Variants in ZFYVE16 observed in about 807,000 individuals in gnomAD.
The protein encoded by ZFYVE16 is zinc finger FYVE-type containing 16.
Under a neutral mutation model 138.1 loss-of-function variants are expected in ZFYVE16, and 89 were observed. The ratio of observed to expected loss-of-function variants is 0.64; its 90% confidence interval spans 0.54 to 0.77. The LOEUF is 0.77. ZFYVE16 is among the 30% of genes least tolerant of loss of function. The pLI, the probability that ZFYVE16 is intolerant of heterozygous loss-of-function variation, is 0.00. For synonymous variants in ZFYVE16, 596 were observed against 618.3 expected (o/e 0.96, Z 0.53); for missense variants, 1,793 against 1,786.7 (o/e 1.00, Z -0.06).
chr5:80,453,198 T>C (rs576132098), intron 11 of ZFYVE16, among the ~76,000 whole-genome samples: 1 of 152,270 alleles, frequency 6.6e-6, no homozygotes, highest in East Asian at 1.9e-4. Context: ...TTCTTTACCA[T>C]TTAGGATTTA....
Position 80,436,972 on chromosome 5 carries a change from A to C in ZFYVE16, c.287A>C (p.Asn96Thr). The change falls in exon 4 of 19, where the codon AAT becomes ACT. Residue 96 changes from asparagine to threonine, a missense_variant. Around this residue, in one of 2 missense-constraint regions of ZFYVE16, gnomAD observed 1,295 missense variants for 1,204.3 expected, o/e 1.08. Transcript: ENST00000505560. ...KGLTSIQNEK[N>T]VTGLDLLSSV... Reference sequence around the variant, plus strand: ...CTTACTTCTATACAAAATGAAAAAAATGTAACAGGACTTGATCTTCTTTCT... The same window carrying C: ...CTTACTTCTATACAAAATGAAAAAACTGTAACAGGACTTGATCTTCTTTCT... The C allele has an allele frequency of 6.2e-7, 1 of 1,614,148 alleles. No individual in the cohort carries two copies. Among genetic ancestry groups the C allele is most frequent in the Middle Eastern group, 1.6e-4 (1 of 6,062 alleles).
chr5:80,471,716 C>T (rs560103574), intron 15 of ZFYVE16, among the ~76,000 whole-genome samples: 19 of 152,218 alleles, frequency 1.2e-4, no homozygotes, highest in South Asian at 2.1e-4. Context: ...GGCCAGATCC[C>T]GCAATAGTTA....
chr5:80,460,791 AC>A (rs1472040420), intron 15 of ZFYVE16, among the ~76,000 whole-genome samples: 6 of 152,158 alleles, frequency 3.9e-5, no homozygotes, highest in Non-Finnish European at 8.8e-5. Context: ...CCGATTCCAT[AC>A]TATTTTATTA....
rs913336439 is a variant in ZFYVE16 at position 80,445,260 on chromosome 5, T to C, written c.2582-3T>C. ...AATGTTTTACTTTTTCAATTGATTC[T>C]AGGACTATGTTCCAAAGAACAGAAG... On this transcript the variant is annotated splice_polypyrimidine_tract_variant and splice_region_variant and intron_variant, in intron 6 of 18. Transcript: ENST00000505560. The C allele has an allele frequency of 6.2e-7, 1 of 1,612,014 alleles. No individual in the cohort carries two copies.
Position 80,439,987 on chromosome 5 carries a change from A to G in ZFYVE16, c.2374A>G (p.Lys792Glu). The change falls in exon 5 of 19, where the codon AAG becomes GAG. Residue 792 changes from lysine to glutamate, a missense_variant. Physicochemically the swap from Lys to Glu is moderately conservative, Grantham distance 56. Transcript: ENST00000505560. ...GAAGTGTAAACTGCAATATCTAGAA[A>G]AGGAAGCAAGAGTATGTGTAGTCTG... ...NRKCKLQYLE[K>E]EARVCVVCYE... 2 of 1,611,746 alleles carry G rather than the reference A, an allele frequency of 1.2e-6. No individual in the cohort carries two copies. The highest frequency in any genetic ancestry group is 2.2e-5 in the South Asian group (2 of 90,762).
chr5:80,458,434 A>G (rs1752759101), intron 14 of ZFYVE16, among the ~76,000 whole-genome samples: 1 of 152,112 alleles, frequency 6.6e-6, no homozygotes, highest in South Asian at 2.1e-4. Context: ...ACACACACAC[A>G]TATCTACCTC....
intron 1 of ZFYVE16, among the ~76,000 whole-genome samples, chr5:80,420,143 G>A (rs1374209734): frequency 6.6e-6 from 1 of 150,884 alleles, no homozygotes; most frequent in South Asian, 2.1e-4. Context: ...GTTTAGCTCT[G>A]GCACCCAGGC....
At chr5:80,418,299 C>T (rs1295298923) in intron 1 of ZFYVE16, among the ~76,000 whole-genome samples, 2 of 134,662 alleles carry the variant, frequency 1.5e-5, no homozygotes, top group Non-Finnish European at 3.2e-5. Flanking sequence ...CTCCCCTCCC[C>T]TGCCCTCCCC....
At chr5:80,474,853 A>T (rs1483350966) in intron 18 of ZFYVE16, 23 bp downstream of exon 18, 2 of 1,578,610 alleles carry the variant, frequency 1.3e-6, no homozygotes, top group Admixed American at 3.8e-5. Flanking sequence ...TTTGTGATGT[A>T]TTTTTGAAAT....
intron 5 of ZFYVE16, 141 bp from the exon 6 acceptor site, chr5:80,442,982 C>A (rs893116597): frequency 7.6e-6 from 6 of 786,802 alleles, no homozygotes; most frequent in Non-Finnish European, 9.5e-6. Flanking sequence ...AGTATCTTTG[C>A]CAAGTGCTAC....
Position 80,480,246 on chromosome 5 carries a change from T to C in ZFYVE16, c.*2869T>C, listed in dbSNP as rs113495416. Among the ~76,000 whole-genome samples, 304 of 152,254 alleles carry C rather than the reference T, an allele frequency of 2.0e-3. No homozygotes were observed. The highest frequency in any genetic ancestry group is 7.1e-3 in the African/African-American group (294 of 41,540). ...TGTACTTGCAGGAAATGGGAAACTATACGATAAAAAGTTGTGGAGCTAATC... is the reference window on the plus strand; with the variant it reads ...TGTACTTGCAGGAAATGGGAAACTACACGATAAAAAGTTGTGGAGCTAATC... On this transcript the variant is annotated 3_prime_UTR_variant, in exon 19 of 19. Coordinates refer to ENST00000505560, the MANE Select transcript of ZFYVE16 (RefSeq NM_001284236.3).
chr5:80,474,634 G>T, intron 17 of ZFYVE16, 29 bp from the exon 18 acceptor site: 1 of 1,573,810 alleles, frequency 6.4e-7, no homozygotes, highest in South Asian at 1.2e-5. Flanking sequence ...TTTTAATCAT[G>T]ACTTGTTTCC....
chr5:80,434,259 AT>A, intron 3 of ZFYVE16, 42 bp downstream of exon 3: 1 of 1,598,872 alleles, frequency 6.3e-7, no homozygotes, highest in South Asian at 1.1e-5. Context: ...GGATTTAAAA[AT>A]ATCTGTAATT....
At chr5:80,465,583 AT>A (rs1431478907) in intron 15 of ZFYVE16, among the ~76,000 whole-genome samples, 2 of 149,184 alleles carry the variant, frequency 1.3e-5, no homozygotes, top group Admixed American at 1.3e-4. Flanking sequence ...TTTTTTTTCT[AT>A]TTTTTGTAGA....
chr5:80,438,361 C>G lies in ZFYVE16; in HGVS notation c.1676C>G (p.Ser559Trp), dbSNP rs745721941. 5.6e-6 allele frequency: 9 copies of G among 1,613,258 alleles called. No homozygotes were observed. The highest frequency in any genetic ancestry group is 7.6e-6 in the Non-Finnish European group (9 of 1,179,828). The change falls in exon 4 of 19, where the codon TCG (serine) becomes TGG (tryptophan). Residue 559 changes from serine to tryptophan, a missense_variant. This residue lies in a region of ZFYVE16 where 1,295 missense variants were observed against 1,204.3 expected (regional missense o/e 1.08). Transcript: ENST00000505560. Reference sequence around the variant, plus strand: ...GAAGAAAATGTAAATGACTCTAAATCGCAAATGAATCAGATAGATATGAAA... The same window carrying G: ...GAAGAAAATGTAAATGACTCTAAATGGCAAATGAATCAGATAGATATGAAA... ...SFEENVNDSK[S>W]QMNQIDMKGL...
chr5:80,439,081 C>G, intron 4 of ZFYVE16, 74 bp downstream of exon 4: 1 of 1,373,154 alleles, frequency 7.3e-7, no homozygotes, highest in Non-Finnish European at 9.8e-7. Flanking sequence ...ATAGAAAAGG[C>G]TGATGAACAG....
rs184397163 is a variant in ZFYVE16, at chr5:80,422,444, A to G, written c.-93-5048A>G. Among the ~76,000 whole-genome samples the G allele has an allele frequency of 3.0e-4, 45 of 152,010 alleles. No homozygotes were observed. In the East Asian group the frequency reaches 7.4e-3, roughly 25 times the overall value. On this transcript the variant is annotated intron_variant, in intron 1 of 18. Coordinates refer to ENST00000505560, the MANE Select transcript of ZFYVE16 (RefSeq NM_001284236.3). ...CTAAGAGTTTTTCTCATGAATGTAT[A>G]TTGTATTTGTTTTGTTTTGTTTTTG...
chr5:80,462,266 T>G (rs1753202201), intron 15 of ZFYVE16, among the ~76,000 whole-genome samples: 1 of 152,202 alleles, frequency 6.6e-6, no homozygotes, highest in Non-Finnish European at 1.5e-5. Flanking sequence ...AGAGGTTTAA[T>G]TGACTCACAG....
intron 1 of ZFYVE16, among the ~76,000 whole-genome samples, chr5:80,413,529 C>T (rs906489638): frequency 4.6e-5 from 7 of 151,418 alleles, no homozygotes; most frequent in Non-Finnish European, 8.8e-5. Flanking sequence ...CCCAGTCCTT[C>T]TCACCCCTGA....
Sources: allele counts gnomAD v4.1 joint callset (sites outside exome capture counted in the v4.1 genomes callset), GRCh38; gene constraint gnomAD v4.1.1; regional missense constraint gnomAD v4.1.1; transcripts MANE v1.5; gene names NCBI Gene and HGNC (gene_info 2026-07-23, HGNC 2026-07-21).